The following RSRC1 variants were observed in gnomAD, a reference collection of about 807,000 sequenced individuals.
RSRC1 encodes arginine and serine rich coiled-coil 1.
A neutral mutation model predicts 49.1 loss-of-function variants in RSRC1; 39 were observed. The ratio of observed to expected loss-of-function variants is 0.79; its 90% CI spans 0.61 to 1.04. The LOEUF (loss-of-function observed/expected upper bound fraction) is 1.04, where lower values mean the gene tolerates loss of function less well. Among genes scored for constraint, RSRC1 ranks in the 50% least tolerant of loss-of-function variants. The pLI, the probability that RSRC1 is intolerant of heterozygous loss-of-function variation, is 0.00. For synonymous variants in RSRC1, 143 were observed against 130.8 expected, an observed-to-expected ratio of 1.09 and a Z score of -0.63; for missense variants, 388 against 402.4, an observed-to-expected ratio of 0.96 and a Z score of 0.31.
intron 4 of RSRC1, among the ~76,000 whole-genome samples, chr3:158,237,076 T>C (rs918780657): frequency 1.3e-5 from 2 of 152,214 alleles, no homozygotes; most frequent in African/African-American, 2.4e-5. Context: ...GCTTTATCCC[T>C]CTGGCTTCTT....
chr3:158,419,253 T>A (rs1206330842), intron 6 of RSRC1, among the ~76,000 whole-genome samples: 2 of 151,984 alleles, frequency 1.3e-5, no homozygotes, highest in African/African-American at 4.8e-5. Flanking sequence ...GAAGTTAGTG[T>A]GAGATACCAG....
chr3:158,152,481 C>G (rs1009669759), intron 3 of RSRC1, among the ~76,000 whole-genome samples: 2 of 152,096 alleles, frequency 1.3e-5, no homozygotes, highest in Non-Finnish European at 2.9e-5. Flanking sequence ...GTCTTTTTCA[C>G]AGAATTGATG....
intron 4 of RSRC1, among the ~76,000 whole-genome samples, chr3:158,277,577 C>CA (rs1411777429): frequency 6.6e-6 from 1 of 151,976 alleles, no homozygotes; most frequent in Non-Finnish European, 1.5e-5. Context: ...AATTTGAGGT[C>CA]AAAAAACATA....
intron 7 of RSRC1, among the ~76,000 whole-genome samples, chr3:158,477,638 G>C (rs1400947438): frequency 1.3e-5 from 2 of 151,472 alleles, no homozygotes; most frequent in African/African-American, 4.9e-5. Context: ...ATGCACTAGG[G>C]AAGAGTAAAT....
At chr3:158,130,831 AT>A (rs1715971514) in intron 3 of RSRC1, among the ~76,000 whole-genome samples, 1 of 152,074 alleles carries the variant, frequency 6.6e-6, no homozygotes, top group Non-Finnish European at 1.5e-5. Flanking sequence ...TATTTTACAT[AT>A]TTTTGTATGT....
At position 158,122,160 on chromosome 3, in the gene RSRC1, A is replaced by C. The variant is rs751337611; in HGVS notation, c.56A>C (p.Lys19Thr). The C allele has an allele frequency of 1.9e-6, 3 of 1,573,450 alleles. No homozygotes were observed. The Admixed American group carries it at 5.5e-5, about 29-fold the overall frequency. ...EEESRSKRKK[K>T]HRRRSSSSSS... ...GAAAGCAGAAGCAAGAGAAAAAAGAAACACCGTAGACGGTCCTCCTCGAGC... is the reference window on the plus strand; with the variant it reads ...GAAAGCAGAAGCAAGAGAAAAAAGACACACCGTAGACGGTCCTCCTCGAGC... Residue 19 changes from lysine (K) to threonine (T), a missense_variant, in exon 2 of 10, where the codon AAA becomes ACA. Lys to Thr is a moderately conservative substitution (Grantham distance 78). Coordinates refer to ENST00000611884, the MANE Select transcript of RSRC1 (RefSeq NM_001271838.2).
intron 6 of RSRC1, among the ~76,000 whole-genome samples, chr3:158,355,228 C>A (rs116627814): frequency 0.019 from 2,859 of 151,840 alleles, 90 homozygotes; most frequent in African/African-American, 0.065. Flanking sequence ...TTTAAGAATT[C>A]TTTGACTAAT....
chr3:158,441,296 A>G (rs1241777066), intron 6 of RSRC1, among the ~76,000 whole-genome samples: 1 of 152,186 alleles, frequency 6.6e-6, no homozygotes, highest in Non-Finnish European at 1.5e-5. Flanking sequence ...AGGGTTAAAC[A>G]GATGAGCTGA....
chr3:158,239,585 G>C (rs904447848), intron 4 of RSRC1, among the ~76,000 whole-genome samples: 4 of 151,232 alleles, frequency 2.6e-5, no homozygotes, highest in Admixed American at 6.6e-5. Context: ...GGGGTGGGGG[G>C]CTGGGGGAGG....
At chr3:158,537,224 G>C in intron 8 of RSRC1, 26 bp downstream of exon 8, 1 of 1,367,060 alleles carries the variant, frequency 7.3e-7, no homozygotes, top group South Asian at 1.4e-5. Flanking sequence ...CCCATTATGA[G>C]TAAACCTTTG....
chr3:158,400,795 A>T (rs571896005), intron 6 of RSRC1, among the ~76,000 whole-genome samples: 1 of 152,030 alleles, frequency 6.6e-6, no homozygotes, highest in Non-Finnish European at 1.5e-5. Context: ...GTTACAGTAG[A>T]TAGATTGCCT....
At chr3:158,197,225 C>T (rs1412582341) in intron 3 of RSRC1, among the ~76,000 whole-genome samples, 3 of 152,046 alleles carry the variant, frequency 2.0e-5, no homozygotes, top group Non-Finnish European at 2.9e-5. Context: ...CTGGTTTAGT[C>T]TTGGGAGGGT....
chr3:158,357,843 A>T lies in RSRC1; in HGVS notation c.583+2935A>T, dbSNP rs565536926. ...GCCATGGGCAAAGACTTCAGGCCTT[A>T]TGCTAGATTCTTGACGCAGGATTAA... On this transcript the variant is annotated intron_variant, in intron 6 of 9. Transcript: ENST00000611884. 1.1e-4 allele frequency among the ~76,000 whole-genome samples: 16 copies of T among 152,298 alleles called. No homozygotes were observed. The East Asian group carries it at 3.1e-3, about 29-fold the overall frequency.
At chr3:158,208,739 G>C (rs1441440998) in intron 4 of RSRC1, among the ~76,000 whole-genome samples, 1 of 152,118 alleles carries the variant, frequency 6.6e-6, no homozygotes, top group Non-Finnish European at 1.5e-5. Flanking sequence ...CTTAATAGCA[G>C]AGTTGTTAAG....
intron 6 of RSRC1, among the ~76,000 whole-genome samples, chr3:158,410,598 A>G (rs1734408899): frequency 6.6e-6 from 1 of 152,170 alleles, no homozygotes; most frequent in Non-Finnish European, 1.5e-5. Context: ...AACACCTAGC[A>G]TAGTTCCTAG....
intron 4 of RSRC1, among the ~76,000 whole-genome samples, chr3:158,264,373 C>G (rs1016802738): frequency 8.6e-5 from 13 of 152,042 alleles, no homozygotes; most frequent in African/African-American, 3.1e-4. Flanking sequence ...TTCATTGTGC[C>G]AAAAAGCATA....
intron 3 of RSRC1, among the ~76,000 whole-genome samples, chr3:158,148,679 T>G (rs942672957): frequency 2.0e-5 from 3 of 151,788 alleles, no homozygotes; most frequent in Non-Finnish European, 4.4e-5. Flanking sequence ...AGGGAAGAGT[T>G]AAGAAAGAAA....
intron 6 of RSRC1, among the ~76,000 whole-genome samples, chr3:158,419,238 C>T (rs1279077859): frequency 2.0e-5 from 3 of 151,894 alleles, no homozygotes; most frequent in Admixed American, 2.0e-4. Flanking sequence ...ACAAAGATTT[C>T]TCATGAAGTT....
intron 4 of RSRC1, among the ~76,000 whole-genome samples, chr3:158,259,914 A>G (rs1346383193): frequency 6.6e-6 from 1 of 151,974 alleles, no homozygotes; most frequent in Non-Finnish European, 1.5e-5. Flanking sequence ...CCCAAGGTTA[A>G]GGGGTTCTTT....
Sources: allele counts gnomAD v4.1 joint callset (sites outside exome capture counted in the v4.1 genomes callset), GRCh38; gene constraint gnomAD v4.1.1; transcripts MANE v1.5; gene names NCBI Gene and HGNC (gene_info 2026-07-23, HGNC 2026-07-21).